Variants in ADK observed in about 807,000 individuals in gnomAD.
The protein encoded by ADK is adenosine kinase.
Under a neutral mutation model 44.7 loss-of-function variants are expected in ADK, and 24 were observed. The ratio of observed to expected loss-of-function variants is 0.54; its 90% CI spans 0.39 to 0.76. The LOEUF is 0.76. ADK is among the 30% of genes least tolerant of loss of function. The probability of loss-of-function intolerance (pLI) is 0.00; values close to 1 mark genes in which losing one functional copy is unlikely to be tolerated. For synonymous variants in ADK, 128 were observed against 142.6 expected (o/e 0.90, Z 0.73); for missense variants, 321 against 425.1 (o/e 0.76, Z 2.15).
At chr10:74,647,637 T>C (rs1277485457) in intron 9 of ADK, among the ~76,000 whole-genome samples, 1 of 152,170 alleles carries the variant, frequency 6.6e-6, no homozygotes, top group Non-Finnish European at 1.5e-5. Flanking sequence ...TAGTTCTCCT[T>C]TAAATAACTT....
chr10:74,362,640 A>T (rs1309889166), intron 4 of ADK, among the ~76,000 whole-genome samples: 3 of 151,936 alleles, frequency 2.0e-5, no homozygotes, highest in African/African-American at 4.8e-5. Context: ...GCATTGAGGG[A>T]TTTGTAATTT....
At chr10:74,479,393 T>TG (rs1386219450) in intron 6 of ADK, among the ~76,000 whole-genome samples, 2 of 149,702 alleles carry the variant, frequency 1.3e-5, no homozygotes, top group African/African-American at 4.9e-5. Flanking sequence ...TGTTTTTTGT[T>TG]GGTTTTTTTT....
At chr10:74,466,113 A>C (rs1471916123) in intron 6 of ADK, among the ~76,000 whole-genome samples, 3 of 152,118 alleles carry the variant, frequency 2.0e-5, no homozygotes, top group African/African-American at 7.2e-5. Flanking sequence ...CCTTCTTGGC[A>C]AACTTGTCTG....
intron 3 of ADK, among the ~76,000 whole-genome samples, chr10:74,294,580 C>G (rs921920463): frequency 3.1e-4 from 47 of 152,142 alleles, no homozygotes; most frequent in South Asian, 6.2e-4. Flanking sequence ...AGCCACCACC[C>G]CTGGCCCAAA....
At chr10:74,239,379 C>G (rs1204478736) in intron 3 of ADK, among the ~76,000 whole-genome samples, 11 of 151,978 alleles carry the variant, frequency 7.2e-5, no homozygotes, top group Non-Finnish European at 1.5e-5. Context: ...TTGGTTAGCT[C>G]TGGATGAAGA....
chr10:74,587,799 T>C (rs961377000), intron 7 of ADK, among the ~76,000 whole-genome samples: 1 of 152,070 alleles, frequency 6.6e-6, no homozygotes, highest in African/African-American at 2.4e-5. Flanking sequence ...GCCTCCCTTT[T>C]CTATCTGTCC....
intron 6 of ADK, among the ~76,000 whole-genome samples, chr10:74,521,190 C>A (rs1447307969): frequency 6.6e-6 from 1 of 151,910 alleles, no homozygotes; most frequent in East Asian, 1.9e-4. Context: ...AGAGCATAAA[C>A]CCCAAATTGT....
chr10:74,692,688 T>C (rs1249311870), intron 10 of ADK, among the ~76,000 whole-genome samples: 2 of 152,190 alleles, frequency 1.3e-5, no homozygotes, highest in Non-Finnish European at 2.9e-5. Context: ...TAAAACCTTA[T>C]TTTTACTGTA....
chr10:74,179,801 C>T (rs1842469944), intron 1 of ADK, among the ~76,000 whole-genome samples: 1 of 152,146 alleles, frequency 6.6e-6, no homozygotes, highest in South Asian at 2.1e-4. Context: ...AATCGTCATC[C>T]TTTTGTTTCT....
intron 10 of ADK, among the ~76,000 whole-genome samples, chr10:74,675,366 G>A (rs148299639): frequency 1.8e-3 from 274 of 152,136 alleles, no homozygotes; most frequent in African/African-American, 6.3e-3. Flanking sequence ...AATTAAATTC[G>A]TAGTTCCATC....
chr10:74,161,179 C>T (rs908360166), intron 1 of ADK, among the ~76,000 whole-genome samples: 1 of 152,176 alleles, frequency 6.6e-6, no homozygotes, highest in East Asian at 1.9e-4. Flanking sequence ...ATAACAGGCT[C>T]TGAATTTCTG....
chr10:74,320,737 CT>C (rs1398690182), intron 4 of ADK, among the ~76,000 whole-genome samples: 1 of 151,990 alleles, frequency 6.6e-6, no homozygotes, highest in Non-Finnish European at 1.5e-5. Flanking sequence ...CCTCAGCTTG[CT>C]TTTTTTACCG....
At chr10:74,331,452 G>A (rs1228816357) in intron 4 of ADK, among the ~76,000 whole-genome samples, 14 of 152,036 alleles carry the variant, frequency 9.2e-5, no homozygotes, top group Admixed American at 9.2e-4. Flanking sequence ...AGAATCAGTG[G>A]CAATACTAGT....
chr10:74,300,311 TTTCCTTCCTTCC>T (rs1213221623), intron 3 of ADK, among the ~76,000 whole-genome samples: 3 of 67,134 alleles, frequency 4.5e-5, no homozygotes, highest in South Asian at 6.2e-4. Flanking sequence ...TCCTTCCTTC[TTTCCTTCCTTCC>T]TTCCTTCCTT....
At chr10:74,619,963 C>A (rs1023820026) in intron 9 of ADK, among the ~76,000 whole-genome samples, 35 of 152,156 alleles carry the variant, frequency 2.3e-4, no homozygotes, top group Non-Finnish European at 1.0e-4. Context: ...CTTAAACGAT[C>A]CTCTCACCTT....
intron 2 of ADK, among the ~76,000 whole-genome samples, chr10:74,212,277 A>G (rs1843843655): frequency 6.6e-6 from 1 of 152,236 alleles, no homozygotes; most frequent in Non-Finnish European, 1.5e-5. Flanking sequence ...AAGGATAAGT[A>G]AACATAGATT....
chr10:74,498,132 A>G lies in ADK; in HGVS notation c.556-27124A>G, dbSNP rs1289669282. Among the ~76,000 whole-genome samples the G allele has an allele frequency of 2.6e-4, 39 of 152,076 alleles. 1 individual carries two copies. Among genetic ancestry groups the G allele is most frequent in the Non-Finnish European group, 8.8e-5 (6 of 67,950 alleles). On this transcript the variant is annotated intron_variant, in intron 6 of 10. Transcript: ENST00000539909. ...TGTTGATCTCCTGACCTCATGATCCACTTGCCTCAGCCTCCCAAAGTGCTG... is the reference window on the plus strand; with the variant it reads ...TGTTGATCTCCTGACCTCATGATCCGCTTGCCTCAGCCTCCCAAAGTGCTG...
At chr10:74,177,651 T>A (rs958069600) in intron 1 of ADK, among the ~76,000 whole-genome samples, 11 of 152,144 alleles carry the variant, frequency 7.2e-5, no homozygotes, top group Non-Finnish European at 4.4e-5. Flanking sequence ...AATTGCCTTA[T>A]ATACCCAGTG....
chr10:74,330,884 T>C (rs1054340235), intron 4 of ADK, among the ~76,000 whole-genome samples: 6 of 152,194 alleles, frequency 3.9e-5, no homozygotes, highest in African/African-American at 1.4e-4. Flanking sequence ...ACCAAAACTA[T>C]GTGAGATAGT....
Sources: allele counts gnomAD v4.1 joint callset (sites outside exome capture counted in the v4.1 genomes callset), GRCh38; gene constraint gnomAD v4.1.1; transcripts MANE v1.5; gene names NCBI Gene and HGNC (gene_info 2026-07-23, HGNC 2026-07-21).